Variants in ZIM2 observed in about 807,000 individuals in gnomAD.
ZIM2 encodes the protein zinc finger imprinted 2.
In ZIM2, 14 loss-of-function variants were observed where a neutral mutation model predicts 38.6. That is an observed-to-expected ratio of 0.36 (90% CI 0.24 to 0.57). The LOEUF (loss-of-function observed/expected upper bound fraction) is 0.57, where lower values mean the gene tolerates loss of function less well. Ranked by LOEUF, ZIM2 falls within the 20% of genes least tolerant of loss-of-function variation. The pLI, the probability that ZIM2 is intolerant of heterozygous loss-of-function variation, is 0.81. For synonymous variants in ZIM2, 247 were observed against 245.8 expected (o/e 1.00, Z -0.04); for missense variants, 680 against 695.1 (o/e 0.98, Z 0.24).
chr19:56,813,370 T>C, intron 9 of ZIM2: 1 of 1,165,928 alleles, frequency 8.6e-7, no homozygotes, highest in Non-Finnish European at 1.1e-6. Flanking sequence ...TCATTTACAG[T>C]TGATTTGGGC....
In ZIM2 at chr19:56,775,163, T is replaced by C. The variant is rs751731133; in HGVS notation, c.1202A>G (p.His401Arg). Residue 401 changes from histidine (H) to arginine (R), a missense_variant, in exon 13 of 13, where the codon CAC becomes CGC. Coordinates refer to ENST00000629319, the MANE Select transcript of ZIM2 (RefSeq NM_001387356.1). ...ATGGGTCTTCTGATGTCTGTTGAGG[T>C]GTGGCATGAGATAGAAGGCTTCAGC... ...QCAEAFYLMP[H>R]LNRHQKTHSG... 1.1e-5 allele frequency: 17 copies of C among 1,614,170 alleles called. No homozygotes were observed. Among genetic ancestry groups the C allele is most frequent in the Non-Finnish European group, 1.1e-5 (13 of 1,180,024 alleles).
chr19:56,807,332 AAATAG>A (rs1184820878), intron 9 of ZIM2, among the ~76,000 whole-genome samples: 4 of 152,216 alleles, frequency 2.6e-5, no homozygotes, highest in Non-Finnish European at 5.9e-5. Context: ...ATGAGGGAAA[AAATAG>A]AATAAAGAAC....
chr19:56,824,763 A>G (rs2060858646), intron 3 of ZIM2: 1 of 1,073,254 alleles, frequency 9.3e-7, no homozygotes, highest in African/African-American at 1.6e-5. Flanking sequence ...AAGGAGATAT[A>G]CACATGTCCC....
At position 56,775,485 on chromosome 19, in the gene ZIM2, C is replaced by T. The variant is rs767412400; in HGVS notation, c.880G>A (p.Glu294Lys). Residue 294 changes from glutamate (E) to lysine (K), a missense_variant, in exon 13 of 13, where the codon GAG (glutamate) becomes AAG (lysine). Coordinates refer to ENST00000629319, the MANE Select transcript of ZIM2 (RefSeq NM_001387356.1). ...DPLEPHQGNQEKLLTPITMND... is the reference protein window; with the variant it reads ...DPLEPHQGNQKKLLTPITMND... Reference sequence around the variant, plus strand: ...ATTGTTATAGGAGTCAAAAGTTTCTCTTGGTTGCCCTGGTGTGGTTCCAAT... The same window carrying T: ...ATTGTTATAGGAGTCAAAAGTTTCTTTTGGTTGCCCTGGTGTGGTTCCAAT... 1 of 1,613,758 alleles carries T rather than the reference C, an allele frequency of 6.2e-7. No homozygotes were observed. The highest frequency in any genetic ancestry group is 1.7e-4 in the Middle Eastern group (1 of 6,058).
intron 9 of ZIM2, chr19:56,797,937 G>C (rs2047313827): frequency 6.6e-6 from 1 of 152,190 alleles, no homozygotes; most frequent in Non-Finnish European, 1.5e-5. Context: ...TGCTGCTACA[G>C]AGTTAAGTAG....
chr19:56,812,025 A>G (rs915215179), intron 9 of ZIM2: 1 of 984,894 alleles, frequency 1.0e-6, no homozygotes, highest in Non-Finnish European at 1.2e-6. Context: ...AATCCTGCAG[A>G]TCCAGAAGAG....
At chr19:56,803,760 C>T (rs576215375) in intron 9 of ZIM2, among the ~76,000 whole-genome samples, 1 of 152,264 alleles carries the variant, frequency 6.6e-6, no homozygotes, top group Admixed American at 6.5e-5. Flanking sequence ...TCAAAACAGG[C>T]AGCTTTAGGG....
At chr19:56,784,494 A>C (rs2046492043) in intron 10 of ZIM2, among the ~76,000 whole-genome samples, 1 of 152,198 alleles carries the variant, frequency 6.6e-6, no homozygotes, top group Non-Finnish European at 1.5e-5. Flanking sequence ...TCTCAGTCAC[A>C]GTGTCATATT....
intron 2 of ZIM2, among the ~76,000 whole-genome samples, chr19:56,835,552 C>G (rs1169345915): frequency 6.6e-6 from 1 of 152,202 alleles, no homozygotes; most frequent in African/African-American, 2.4e-5. Context: ...AAGATTAAGT[C>G]AGCTGTTGCT....
rs1040060599 is a variant in ZIM2, at chr19:56,790,024, C to T, written c.491-73G>A. 8.8e-6 allele frequency: 11 copies of T among 1,252,994 alleles called. No homozygotes were observed. In the African/African-American group the frequency reaches 1.0e-4, roughly 12 times the overall value. 77.6% of individuals were successfully genotyped at this position (1,252,994 alleles called of 1,614,324 possible). A position where few individuals can be genotyped will look rare whatever the true frequency, so the allele number is the denominator to read the frequency against. ...ACTGACAGACACAGTGGCCAGCCAC[C>T]CTCATGCCACCCTGTCCTGCCATGG... On this transcript the variant is annotated intron_variant, in intron 9 of 12. Coordinates refer to ENST00000629319, the MANE Select transcript of ZIM2 (RefSeq NM_001387356.1).
At chr19:56,803,562 T>C (rs2047623576) in intron 9 of ZIM2, among the ~76,000 whole-genome samples, 1 of 152,220 alleles carries the variant, frequency 6.6e-6, no homozygotes, top group African/African-American at 2.4e-5. Context: ...GCACGTGTAT[T>C]CCATCTTACA....
intron 2 of ZIM2, among the ~76,000 whole-genome samples, chr19:56,829,077 G>A (rs779757429): frequency 2.0e-5 from 3 of 152,200 alleles, no homozygotes; most frequent in Non-Finnish European, 2.9e-5. Flanking sequence ...GCAGCTGGGC[G>A]CAGTGGCTCA....
intron 12 of ZIM2, among the ~76,000 whole-genome samples, chr19:56,776,733 TGTAA>T (rs1311707453): frequency 6.6e-6 from 1 of 152,162 alleles, no homozygotes; most frequent in African/African-American, 2.4e-5. Flanking sequence ...CTAATCAGAC[TGTAA>T]GTGACGACAG....
At chr19:56,824,131 ACAGGACATCCCCACCGCTGCC>A in intron 4 of ZIM2, 110 bp downstream of exon 4, 1 of 1,433,560 alleles carries the variant, frequency 7.0e-7, no homozygotes, top group Non-Finnish European at 9.3e-7. Flanking sequence ...CCCACAGTAC[ACAGGACATCCCCACCGCTGCC>A]CAGGACAGAG....
intron 9 of ZIM2, chr19:56,813,209 A>C: frequency 1.0e-6 from 1 of 984,422 alleles, no homozygotes; most frequent in South Asian, 4.7e-5. Context: ...TCCAAAAAAA[A>C]AAAAAATTCA....
rs2045955063 is a variant in ZIM2, at chr19:56,775,571, C to T, written c.836-42G>A. On this transcript the variant is annotated intron_variant, in intron 12 of 12. Coordinates refer to ENST00000629319, the MANE Select transcript of ZIM2 (RefSeq NM_001387356.1). ...AGAAGTTACCTACCGCCCAATTATC[C>T]AATCCTGCCCCCCAATAATGATATT... 5 of 1,543,882 alleles carry T rather than the reference C, an allele frequency of 3.2e-6. 1 individual carries two copies. The Admixed American group carries it at 1.0e-4, about 32-fold the overall frequency.
intron 9 of ZIM2, among the ~76,000 whole-genome samples, chr19:56,809,495 T>C (rs1449476414): frequency 6.6e-6 from 1 of 152,118 alleles, no homozygotes; most frequent in African/African-American, 2.4e-5. Flanking sequence ...AGCAAGCTGG[T>C]TGAAAAGCTC....
intron 9 of ZIM2, among the ~76,000 whole-genome samples, chr19:56,806,215 C>T (rs1185991287): frequency 6.6e-6 from 1 of 152,188 alleles, no homozygotes; most frequent in Non-Finnish European, 1.5e-5. Flanking sequence ...TTGTTTCATT[C>T]CTGTAATGAA....
intron 10 of ZIM2, among the ~76,000 whole-genome samples, 169 bp downstream of exon 10, chr19:56,789,703 A>C (rs1383276981): frequency 6.6e-6 from 1 of 152,220 alleles, no homozygotes; most frequent in African/African-American, 2.4e-5. Context: ...AAGAAAAAAA[A>C]GAATCATAAG....
Sources: gnomAD v4.1 joint callset for allele counts (sites outside exome capture counted in the v4.1 genomes callset) on GRCh38, gnomAD v4.1.1 for gene constraint, MANE v1.5 for transcripts, NCBI Gene and HGNC (gene_info 2026-07-23, HGNC 2026-07-21) for gene names.